Variants in ANGPT1 observed in about 807,000 individuals in gnomAD.
ANGPT1 encodes the protein angiopoietin 1.
A neutral mutation model predicts 62.2 loss-of-function variants in ANGPT1; 17 were observed. That is an observed-to-expected ratio of 0.27 (90% CI 0.19 to 0.41). ANGPT1 has a LOEUF of 0.41. Among genes scored for constraint, ANGPT1 ranks in the 10% least tolerant of loss-of-function variants. ANGPT1 has a pLI of 1.00. For synonymous variants in ANGPT1, 199 were observed against 198.9 expected (o/e 1.00, Z 0.00); for missense variants, 478 against 594.9 (o/e 0.80, Z 2.04).
At chr8:107,275,233 G>A (rs1813836753) in intron 7 of ANGPT1, among the ~76,000 whole-genome samples, 1 of 152,018 alleles carries the variant, frequency 6.6e-6, no homozygotes, top group Non-Finnish European at 1.5e-5. Context: ...GCCCCCAGAG[G>A]CCATGGCTGC....
At chr8:107,387,155 G>C (rs1435619793) in intron 1 of ANGPT1, among the ~76,000 whole-genome samples, 1 of 152,076 alleles carries the variant, frequency 6.6e-6, no homozygotes, top group Non-Finnish European at 1.5e-5. Context: ...CCACAGAAGG[G>C]ATAATTTTTA....
chr8:107,464,492 T>C (rs1368568485), intron 1 of ANGPT1, among the ~76,000 whole-genome samples: 2 of 152,152 alleles, frequency 1.3e-5, no homozygotes, highest in East Asian at 1.9e-4. Context: ...TTGTCCCTAC[T>C]ATATTCTAGG....
chr8:107,416,490 T>C (rs1810750164), intron 1 of ANGPT1, among the ~76,000 whole-genome samples: 1 of 152,174 alleles, frequency 6.6e-6, no homozygotes, highest in Admixed American at 6.5e-5. Context: ...CATATATAAG[T>C]TCTTGTTCAC....
chr8:107,437,487 A>G (rs1026737921), intron 1 of ANGPT1, among the ~76,000 whole-genome samples: 2 of 152,208 alleles, frequency 1.3e-5, no homozygotes, highest in African/African-American at 4.8e-5. Flanking sequence ...TTGAATAGCT[A>G]TGGTTTCAAG....
intron 2 of ANGPT1, among the ~76,000 whole-genome samples, chr8:107,337,667 A>T (rs1032237300): frequency 4.6e-5 from 7 of 152,216 alleles, no homozygotes; most frequent in African/African-American, 1.4e-4. Flanking sequence ...ATTTAAAAGG[A>T]CCTGGAAATA....
At chr8:107,491,159 A>G (rs1812943684) in intron 1 of ANGPT1, among the ~76,000 whole-genome samples, 1 of 152,072 alleles carries the variant, frequency 6.6e-6, no homozygotes, top group Non-Finnish European at 1.5e-5. Context: ...ATTAAAAAAA[A>G]AAGAAGAAGA....
intron 1 of ANGPT1, among the ~76,000 whole-genome samples, chr8:107,427,191 T>C (rs1811062924): frequency 6.6e-6 from 1 of 152,136 alleles, no homozygotes; most frequent in South Asian, 2.1e-4. Flanking sequence ...CTTGCATTAG[T>C]TAATAATACT....
At chr8:107,351,198 A>G (rs748289115) in intron 1 of ANGPT1, among the ~76,000 whole-genome samples, 23 of 152,134 alleles carry the variant, frequency 1.5e-4, no homozygotes, top group Non-Finnish European at 2.8e-4. Context: ...CTAGGAAGAG[A>G]ATGTGATTTG....
intron 4 of ANGPT1, among the ~76,000 whole-genome samples, chr8:107,305,327 T>C (rs1285267895): frequency 1.3e-5 from 2 of 151,984 alleles, no homozygotes; most frequent in Non-Finnish European, 2.9e-5. Flanking sequence ...CATTTATCTA[T>C]GGAGAAAATG....
rs117112058 is a variant in ANGPT1, at chr8:107,477,675, G to C, written c.297+19587C>G. 1.5e-4 allele frequency among the ~76,000 whole-genome samples: 23 copies of C among 152,120 alleles called. No individual in the cohort carries two copies. In the East Asian group the frequency reaches 4.5e-3, roughly 29 times the overall value. ...ATTCCTGCTTTCTTTGCCACATTAA[G>C]TCTTGGAGAAATTAATCTTGATTTT... On this transcript the variant is annotated intron_variant, in intron 1 of 8. Coordinates refer to ENST00000517746, the MANE Select transcript of ANGPT1 (RefSeq NM_001146.5).
intron 2 of ANGPT1, among the ~76,000 whole-genome samples, chr8:107,340,729 A>G (rs1815679117): frequency 1.3e-5 from 2 of 151,736 alleles, no homozygotes; most frequent in Non-Finnish European, 2.9e-5. Context: ...CCTGGGTTCA[A>G]GCAATCTGCC....
chr8:107,379,358 C>T (rs114430760), intron 1 of ANGPT1, among the ~76,000 whole-genome samples: 127 of 152,256 alleles, frequency 8.3e-4, no homozygotes, highest in African/African-American at 2.9e-3. Context: ...CTTAGTGGAA[C>T]TGGAAGTACT....
intron 6 of ANGPT1, among the ~76,000 whole-genome samples, chr8:107,287,887 G>A (rs923087804): frequency 6.6e-6 from 1 of 152,040 alleles, no homozygotes; most frequent in African/African-American, 2.4e-5. Flanking sequence ...TAATATAACC[G>A]AAGCACTTAA....
At chr8:107,257,889 TTGTTTGTTTG>T in intron 8 of ANGPT1, among the ~76,000 whole-genome samples, 3 of 96,722 alleles carry the variant, frequency 3.1e-5, no homozygotes, top group East Asian at 2.4e-4. Context: ...TCTTTTTTGT[TTGTTTGTTTG>T]TTTGTTTGTT....
chr8:107,330,111 AT>A (rs1311474958), intron 3 of ANGPT1, among the ~76,000 whole-genome samples: 17 of 152,176 alleles, frequency 1.1e-4, no homozygotes, highest in Admixed American at 1.3e-4. Flanking sequence ...CAAACATCAA[AT>A]ATGTCTGAAA....
chr8:107,303,139 A>G, intron 5 of ANGPT1, 101 bp downstream of exon 5: 2 of 1,383,308 alleles, frequency 1.4e-6, no homozygotes, highest in Non-Finnish European at 2.0e-6. Flanking sequence ...AGGCATCTCT[A>G]TATATATTTC....
intron 3 of ANGPT1, among the ~76,000 whole-genome samples, chr8:107,331,402 A>C (rs1815417156): frequency 6.6e-6 from 1 of 152,214 alleles, no homozygotes; most frequent in Non-Finnish European, 1.5e-5. Flanking sequence ...ATATAGTGAC[A>C]GGCCAAAAAC....
At chr8:107,451,646 G>T (rs2130455269) in intron 1 of ANGPT1, among the ~76,000 whole-genome samples, 1 of 152,070 alleles carries the variant, frequency 6.6e-6, no homozygotes, top group Admixed American at 6.6e-5. Context: ...ACAATGATTT[G>T]TGAGAAGGTC....
intron 2 of ANGPT1, among the ~76,000 whole-genome samples, chr8:107,337,515 C>A (rs1815595071): frequency 6.6e-6 from 1 of 152,204 alleles, no homozygotes; most frequent in Non-Finnish European, 1.5e-5. Flanking sequence ...TGTCAATGCC[C>A]TGTTCCTGAC....
Sources: allele counts gnomAD v4.1 joint callset (sites outside exome capture counted in the v4.1 genomes callset), GRCh38; gene constraint gnomAD v4.1.1; transcripts MANE v1.5; gene names NCBI Gene and HGNC (gene_info 2026-07-23, HGNC 2026-07-21).